DPP10: variants seen among roughly 807,000 people sequenced by gnomAD.
The protein encoded by DPP10 is inactive dipeptidyl peptidase 10.
A neutral mutation model predicts 120.9 loss-of-function variants in DPP10; 33 were observed. That is an observed-to-expected ratio of 0.27 (90% CI 0.21 to 0.37). The LOEUF is 0.37. Among genes scored for constraint, DPP10 ranks in the 10% least tolerant of loss-of-function variants. The pLI, the probability that DPP10 is intolerant of heterozygous loss-of-function variation, is 1.00. For missense variants in DPP10, 816 were observed against 942.8 expected, an observed-to-expected ratio of 0.87 and a Z score of 1.76; for synonymous variants, 337 against 326.1, an observed-to-expected ratio of 1.03 and a Z score of -0.36.
intron 1 of DPP10, among the ~76,000 whole-genome samples, chr2:115,061,091 C>A (rs528438636): frequency 6.6e-6 from 1 of 152,218 alleles, no homozygotes; most frequent in South Asian, 2.1e-4. Context: ...TTTCTTCTCC[C>A]CTGCCCACAC....
At chr2:115,602,054 A>G (rs1307570800) in intron 5 of DPP10, among the ~76,000 whole-genome samples, 2 of 152,198 alleles carry the variant, frequency 1.3e-5, no homozygotes, top group African/African-American at 4.8e-5. Context: ...AGATTTTTAA[A>G]TTAAATCACC....
chr2:114,863,896 G>T (rs1023265531), intron 1 of DPP10, among the ~76,000 whole-genome samples: 3 of 152,152 alleles, frequency 2.0e-5, no homozygotes, highest in African/African-American at 4.8e-5. Flanking sequence ...TTGGGACAGG[G>T]CCTGAAAGCC....
intron 1 of DPP10, among the ~76,000 whole-genome samples, chr2:115,065,372 T>C (rs750929746): frequency 2.4e-4 from 36 of 152,194 alleles, no homozygotes; most frequent in Non-Finnish European, 4.4e-4. Context: ...GTTCCAGTAA[T>C]CATCCAGATG....
In DPP10 at chr2:115,064,784, A is replaced by T. The variant is rs140804988; in HGVS notation, c.61-244455A>T. The T allele has an allele frequency of 8.4e-4, 1,102 of 1,304,234 alleles. 22 individuals carry two copies. In the East Asian group the frequency reaches 0.05, roughly 59 times the overall value. 80.8% of individuals were successfully genotyped at this position (1,304,234 alleles called of 1,614,324 possible). ...TGGTCATCACAGAGGTGGCTGAGGG[A>T]CCAGTAGATGGTTCTGAAAAGGTAA... On this transcript the variant is annotated intron_variant, in intron 1 of 25. Transcript: ENST00000410059.
At chr2:115,102,704 C>T (rs369141513) in intron 1 of DPP10, among the ~76,000 whole-genome samples, 17 of 151,482 alleles carry the variant, frequency 1.1e-4, no homozygotes, top group South Asian at 1.0e-3. Flanking sequence ...CCACCACGCC[C>T]GGCCATGGGG....
chr2:114,835,209 A>ATATATAGGACATATCTACACACCTATGTG (rs1404360046), intron 1 of DPP10: 22 of 150,742 alleles, frequency 1.5e-4, no homozygotes, highest in African/African-American at 4.0e-4. Context: ...ATACCTATGT[A>ATATATAGGACATATCTACACACCTATGTG]TATATAGGAC....
chr2:114,521,048 C>T (rs1292077277), intron 1 of DPP10, among the ~76,000 whole-genome samples: 1 of 152,052 alleles, frequency 6.6e-6, no homozygotes, highest in Admixed American at 6.5e-5. Context: ...AGACCTAAAA[C>T]AAGACCCATA....
chr2:115,244,121 A>T (rs115509605), intron 1 of DPP10, among the ~76,000 whole-genome samples: 2,217 of 150,684 alleles, frequency 0.015, 61 homozygotes, highest in African/African-American at 0.049. Flanking sequence ...ATTTGAAATT[A>T]AAAAAAATCT....
At position 115,525,935 on chromosome 2, in the gene DPP10, A is replaced by G; in HGVS notation, c.404A>G (p.Asp135Gly). ...GCATCAAGACATTCAGTTTCACCAG[A>G]TTTAAAATATGTCCTTCTGGCATAT... ...FKASRHSVSP[D>G]LKYVLLAYDV... is the part of the protein sequence containing the mutation. Residue 135 changes from aspartate (D) to glycine (G), a missense_variant, in exon 5 of 26, where the codon GAT becomes GGT. Asp to Gly is a moderately conservative substitution (Grantham distance 94, BLOSUM62 -1). Around this residue, in one of 3 missense-constraint regions of DPP10, gnomAD observed 182 missense variants for 207.4 expected, o/e 0.88. Transcript: ENST00000410059. 6.2e-7 allele frequency: 1 copy of G among 1,610,548 alleles called. No homozygotes were observed.
chr2:115,436,039 G>A lies in DPP10; in HGVS notation c.272-63471G>A, dbSNP rs1295609222. The stretch of plus-strand genomic sequence containing the variant: ...AAAAGCATTTGGACAGATGTTATTG[G>A]GAGTGGTAATATCATTCTTTGTTTT... On this transcript the variant is annotated intron_variant, in intron 3 of 25. Transcript: ENST00000410059. 2.0e-5 allele frequency among the ~76,000 whole-genome samples: 3 copies of A among 151,862 alleles called. No homozygotes were observed. In the East Asian group the frequency reaches 5.8e-4, roughly 29 times the overall value.
At chr2:115,300,719 A>G (rs556728025) in intron 1 of DPP10, among the ~76,000 whole-genome samples, 2 of 152,042 alleles carry the variant, frequency 1.3e-5, no homozygotes, top group Non-Finnish European at 2.9e-5. Context: ...CAGTTTTCTC[A>G]TGTACCATTT....
At chr2:115,302,847 A>G (rs759598721) in intron 1 of DPP10, among the ~76,000 whole-genome samples, 2 of 152,114 alleles carry the variant, frequency 1.3e-5, no homozygotes, top group Non-Finnish European at 1.5e-5. Flanking sequence ...TACTCAGCAT[A>G]GAGTCCTCTA....
At chr2:115,664,690 C>A (rs574788010) in intron 5 of DPP10, among the ~76,000 whole-genome samples, 3 of 152,260 alleles carry the variant, frequency 2.0e-5, no homozygotes, top group African/African-American at 7.2e-5. Flanking sequence ...TTATTACATT[C>A]TTAATTGTTT....
At chr2:115,424,733 G>A (rs1190872837) in intron 3 of DPP10, among the ~76,000 whole-genome samples, 1 of 152,124 alleles carries the variant, frequency 6.6e-6, no homozygotes, top group Admixed American at 6.5e-5. Flanking sequence ...TTAAAAATGT[G>A]TTTAAATGAT....
chr2:115,285,587 C>T (rs182025702), intron 1 of DPP10, among the ~76,000 whole-genome samples: 125 of 152,110 alleles, frequency 8.2e-4, no homozygotes, highest in Non-Finnish European at 1.2e-3. Context: ...GTAAGCAGTA[C>T]CACACTTGGT....
rs546145257 is a variant in DPP10, at chr2:114,915,110, G to A, written c.61-394129G>A. ...CCCGCCACTGCACCCCAGCCTGGGC[G>A]ACAGAACGAGACTCCGTCTCAAAAA... On this transcript the variant is annotated intron_variant, in intron 1 of 25. Coordinates refer to ENST00000410059, the MANE Select transcript of DPP10 (RefSeq NM_020868.6). Among the ~76,000 whole-genome samples the A allele has an allele frequency of 2.2e-3, 324 of 147,860 alleles. 2 individuals carry two copies. The highest frequency in any genetic ancestry group is 7.7e-3 in the African/African-American group (308 of 39,986).
At chr2:115,638,070 T>G (rs551244653) in intron 5 of DPP10, among the ~76,000 whole-genome samples, 1 of 152,336 alleles carries the variant, frequency 6.6e-6, no homozygotes, top group African/African-American at 2.4e-5. Flanking sequence ...TTCCTCTGAA[T>G]AAGATTTGTG....
intron 1 of DPP10, among the ~76,000 whole-genome samples, chr2:115,122,870 A>G (rs753324921): frequency 4.6e-5 from 7 of 152,112 alleles, no homozygotes; most frequent in Admixed American, 1.3e-4. Context: ...TCCCAACCCC[A>G]TGAGTCACTC....
intron 5 of DPP10, among the ~76,000 whole-genome samples, chr2:115,668,859 A>G (rs931348974): frequency 5.3e-5 from 8 of 152,166 alleles, no homozygotes; most frequent in African/African-American, 1.4e-4. Context: ...CTGTTTTACT[A>G]TCAGCCTTAG....
Sources: gnomAD v4.1 joint callset for allele counts (sites outside exome capture counted in the v4.1 genomes callset) on GRCh38, gnomAD v4.1.1 for gene constraint, gnomAD v4.1.1 regional missense constraint, MANE v1.5 for transcripts, NCBI Gene and HGNC (gene_info 2026-07-23, HGNC 2026-07-21) for gene names.